The following PPWD1 variants were observed in gnomAD, a reference collection of about 807,000 sequenced individuals.
PPWD1 encodes the protein peptidylprolyl isomerase domain and WD repeat containing 1.
PPWD1 carries 43 observed loss-of-function variants against 68.8 expected under a neutral mutation model. The ratio of observed to expected loss-of-function variants is 0.62; its 90% CI spans 0.49 to 0.81. The LOEUF is 0.81. Ranked by LOEUF, PPWD1 falls within the 30% of genes least tolerant of loss-of-function variation. PPWD1 has a pLI of 0.00. For synonymous variants in PPWD1, 232 were observed against 258.7 expected (o/e 0.90, Z 0.99); for missense variants, 672 against 804.8 (o/e 0.83, Z 2.00).
At chr5:65,569,416 G>A (rs1320080737) in intron 2 of PPWD1, 1 of 368,956 alleles carries the variant, frequency 2.7e-6, no homozygotes, top group Non-Finnish European at 4.8e-6. Flanking sequence ...TAGCTCTTGA[G>A]GTTAAAATTA....
rs1753040191 is a variant in PPWD1 at position 65,572,081 on chromosome 5, A to G, written c.764A>G (p.His255Arg). 2 of 1,613,726 alleles carry G rather than the reference A, an allele frequency of 1.2e-6. No individual in the cohort carries two copies. Among genetic ancestry groups the G allele is most frequent in the Non-Finnish European group, 1.7e-6 (2 of 1,179,608 alleles). The change falls in exon 5 of 11, where the codon CAT becomes CGT. Residue 255 changes from histidine to arginine, a missense_variant. Transcript: ENST00000261308. Reference protein sequence around the residue: ...GMIEYWTGPPHEYKFPKNVNW... With the variant: ...GMIEYWTGPPREYKFPKNVNW... ...ATTGAATACTGGACTGGGCCTCCTC[A>G]TGAATATAAATTCCCCAAAAATGTG...
chr5:65,577,024 A>G lies in PPWD1; in HGVS notation c.1115A>G (p.Tyr372Cys), dbSNP rs1343338618. The G allele has an allele frequency of 1.2e-6, 2 of 1,614,122 alleles. No homozygotes were observed. The highest frequency in any genetic ancestry group is 1.1e-5 in the South Asian group (1 of 91,080). The change falls in exon 6 of 11, where the codon TAT (tyrosine) becomes TGT (cysteine). Residue 372 changes from tyrosine (Y) to cysteine (C), a missense_variant. Coordinates refer to ENST00000261308, the MANE Select transcript of PPWD1 (RefSeq NM_015342.4). Reference protein sequence around the residue: ...VFDETGHFVLYGTMLGIKVIN... With the variant: ...VFDETGHFVLCGTMLGIKVIN... ...GATGAAACTGGACACTTCGTGCTGT[A>G]TGGAACAATGCTGGGCATTAAAGTT...
intron 4 of PPWD1, 49 bp downstream of exon 4, chr5:65,570,047 TA>T: frequency 6.7e-7 from 1 of 1,488,348 alleles, no homozygotes. Context: ...AAGTAATTTG[TA>T]AATCAGACTT....
intron 2 of PPWD1, 42 bp downstream of exon 2, chr5:65,567,657 TA>T (rs35529383): frequency 0.043 from 54,903 of 1,264,274 alleles, no homozygotes; most frequent in East Asian, 0.13. Context: ...TGAGTTTATT[TA>T]AAAAAAAAAA....
chr5:65,565,281 G>T (rs1039626873), intron 1 of PPWD1, among the ~76,000 whole-genome samples: 6 of 152,116 alleles, frequency 3.9e-5, no homozygotes, highest in South Asian at 2.1e-4. Context: ...TTTAATGACT[G>T]CATATTAAAG....
rs1491025748 is a variant in PPWD1, at chr5:65,584,961, CTG to C, written c.1533-51_1533-50del. The C allele has an allele frequency of 2.6e-6, 4 of 1,563,000 alleles. No individual in the cohort carries two copies. In the African/African-American group the frequency reaches 5.5e-5, roughly 22 times the overall value. On this transcript the variant is annotated intron_variant, in intron 8 of 10. Coordinates refer to ENST00000261308, the MANE Select transcript of PPWD1 (RefSeq NM_015342.4). Reference sequence around the variant, plus strand: ...TTAGGAAGCAGAACTGCAAAGAAAACTGTTTTAAGATGCTCTGAATAGGTTTC... The same window carrying C: ...TTAGGAAGCAGAACTGCAAAGAAAACTTTTAAGATGCTCTGAATAGGTTTC...
chr5:65,571,633 A>G, intron 4 of PPWD1: 1 of 440,270 alleles, frequency 2.3e-6, no homozygotes, highest in Non-Finnish European at 3.0e-6. Flanking sequence ...CCTTAGAACT[A>G]TCATTATACT....
chr5:65,568,877 CTCTCT>C (rs1222902373), intron 2 of PPWD1: 2 of 454,814 alleles, frequency 4.4e-6, no homozygotes, highest in African/African-American at 2.0e-5. Flanking sequence ...ATTGCTGTCA[CTCTCT>C]TCTCAAATAT....
chr5:65,582,965 T>G lies in PPWD1; in HGVS notation c.1351-73T>G, dbSNP rs1753660040. The G allele has an allele frequency of 2.8e-6, 4 of 1,441,644 alleles. No individual in the cohort carries two copies. The South Asian group carries it at 6.2e-5, about 22-fold the overall frequency. The allele number at this position is 1,441,644 out of a possible 1,614,324, so 89.3% of individuals were successfully genotyped here. A position where few individuals can be genotyped will look rare whatever the true frequency, so the allele number is the denominator to read the frequency against. The stretch of plus-strand genomic sequence containing the variant: ...CATTTCTTAAGTACTTCATTAGAAA[T>G]TCTATTGTTCATAAAATTTTTACCA... On this transcript the variant is annotated intron_variant, in intron 7 of 10. Transcript: ENST00000261308.
Position 65,587,358 on chromosome 5 carries a change from T to A in PPWD1, c.1903T>A (p.Tyr635Asn). Residue 635 changes from tyrosine to asparagine, a missense_variant, in exon 11 of 11, where the codon TAT (tyrosine) becomes AAT (asparagine). Tyr to Asn is a moderately radical substitution (Grantham distance 143, BLOSUM62 -2). Around this residue, in one of 2 missense-constraint regions of PPWD1, gnomAD observed 484 missense variants for 646.2 expected, o/e 0.75. Transcript: ENST00000261308. ...VKVNPKTDKPYEDVSIINITV... is the reference protein window; with the variant it reads ...VKVNPKTDKPNEDVSIINITV... ...AGTCAATCCCAAAACAGATAAGCCCTATGAGGATGTCAGCATCATAAATAT... is the reference window on the plus strand; with the variant it reads ...AGTCAATCCCAAAACAGATAAGCCCAATGAGGATGTCAGCATCATAAATAT... The A allele has an allele frequency of 1.2e-6, 2 of 1,611,998 alleles. No individual in the cohort carries two copies. The highest frequency in any genetic ancestry group is 1.7e-6 in the Non-Finnish European group (2 of 1,178,796).
chr5:65,566,718 C>T (rs936274070), intron 1 of PPWD1, among the ~76,000 whole-genome samples: 5 of 151,398 alleles, frequency 3.3e-5, no homozygotes, highest in African/African-American at 1.2e-4. Flanking sequence ...CCTTCCTTCC[C>T]TTCTTTCTCT....
At chr5:65,586,244 T>C in intron 10 of PPWD1, 63 bp downstream of exon 10, 1 of 1,451,258 alleles carries the variant, frequency 6.9e-7, no homozygotes, top group Non-Finnish European at 9.3e-7. Flanking sequence ...GAGAGTGAAC[T>C]CAGTAGAAGA....
intron 6 of PPWD1, 48 bp downstream of exon 6, chr5:65,577,117 A>T: frequency 6.4e-7 from 1 of 1,557,856 alleles, no homozygotes; most frequent in Admixed American, 1.8e-5. Flanking sequence ...TTTGTGGGGG[A>T]CCATTTCCTC....
At chr5:65,568,712 ATTC>A (rs1561722322) in intron 2 of PPWD1, among the ~76,000 whole-genome samples, 1 of 152,078 alleles carries the variant, frequency 6.6e-6, no homozygotes, top group African/African-American at 2.4e-5. Context: ...AGATCAGTCT[ATTC>A]TTGATGTCTT....
chr5:65,578,240 G>A (rs144728024), intron 6 of PPWD1, among the ~76,000 whole-genome samples: 3 of 152,222 alleles, frequency 2.0e-5, no homozygotes, highest in Non-Finnish European at 4.4e-5. Context: ...ATCCATTCAC[G>A]TACTGAAAGA....
rs1753678096 is a variant in PPWD1 at position 65,583,227 on chromosome 5, TAAC to T, written c.1532+12_1532+14del. Reference sequence around the variant, plus strand: ...CAAACTTTTTCCTGTTGAGTATGTATAACAACTGTTTTTATTGGCTTATGTAAT... The same window carrying T: ...CAAACTTTTTCCTGTTGAGTATGTATAACTGTTTTTATTGGCTTATGTAAT... On this transcript the variant is annotated intron_variant, in intron 8 of 10. Transcript: ENST00000261308. The T allele has an allele frequency of 6.5e-7, 1 of 1,532,256 alleles. No individual in the cohort carries two copies. Among genetic ancestry groups the T allele is most frequent in the South Asian group, 1.3e-5 (1 of 78,608 alleles). 94.9% of individuals were successfully genotyped at this position (1,532,256 alleles called of 1,614,324 possible).
rs188074375 is a variant in PPWD1 at position 65,576,227 on chromosome 5, A to G, written c.970-652A>G. On this transcript the variant is annotated intron_variant, in intron 5 of 10. Coordinates refer to ENST00000261308, the MANE Select transcript of PPWD1 (RefSeq NM_015342.4). ...GTTACTAGACACTTTAAAATTACCT[A>G]TGTGGCTTGTGTTATATTTCATTGG... is the stretch of plus-strand genomic sequence containing the variant. 613 of 679,992 alleles carry G rather than the reference A, an allele frequency of 9.0e-4. 3 individuals are homozygous for G. Among genetic ancestry groups the G allele is most frequent in the Non-Finnish European group, 7.9e-4 (438 of 551,434 alleles). The allele number at this position is 679,992 out of a possible 1,614,324, so 42.1% of individuals were successfully genotyped here.
chr5:65,578,751 C>CATATATGTGTATATATATATACACAT (rs1753436403), intron 6 of PPWD1, among the ~76,000 whole-genome samples: 3 of 138,458 alleles, frequency 2.2e-5, no homozygotes, highest in African/African-American at 8.2e-5. Context: ...TATATACACA[C>CATATATGTGTATATATATATACACAT]ATATATGTGT....
chr5:65,569,523 A>G (rs1454151922), intron 2 of PPWD1, 109 bp from the exon 3 acceptor site: 4 of 1,279,134 alleles, frequency 3.1e-6, no homozygotes, highest in Non-Finnish European at 3.1e-6. Flanking sequence ...TTTTTTAAAA[A>G]AAAACCTATT....
Sources: gnomAD v4.1 joint callset for allele counts (sites outside exome capture counted in the v4.1 genomes callset) on GRCh38, gnomAD v4.1.1 for gene constraint, gnomAD v4.1.1 regional missense constraint, MANE v1.5 for transcripts, NCBI Gene and HGNC (gene_info 2026-07-23, HGNC 2026-07-21) for gene names.